LCLAT1: variants seen among roughly 807,000 people sequenced by gnomAD.
The protein encoded by LCLAT1 is 1-AGP acyltransferase 8.
A neutral mutation model predicts 30.7 loss-of-function variants in LCLAT1; 11 were observed. The observed-to-expected ratio is 0.36, with a 90% CI of 0.23 to 0.59. The LOEUF is 0.59. Ranked by LOEUF, LCLAT1 falls within the 20% of genes least tolerant of loss-of-function variation. The pLI is 0.77. For missense variants in LCLAT1, 402 were observed against 458.6 expected, an observed-to-expected ratio of 0.88 and a Z score of 1.13; for synonymous variants, 155 against 151.3, an observed-to-expected ratio of 1.02 and a Z score of -0.18.
intron 5 of LCLAT1, among the ~76,000 whole-genome samples, chr2:30,605,502 T>C (rs551850905): frequency 1.3e-5 from 2 of 152,320 alleles, no homozygotes; most frequent in South Asian, 2.1e-4. Context: ...ACTTTCTCTT[T>C]GTATTGCTGT....
chr2:30,493,063 C>T (rs1426905140), intron 1 of LCLAT1, among the ~76,000 whole-genome samples: 1 of 152,144 alleles, frequency 6.6e-6, no homozygotes, highest in Non-Finnish European at 1.5e-5. Flanking sequence ...TGGAAAGACA[C>T]CTCCCTCCCA....
chr2:30,561,289 C>T (rs1336867938), intron 3 of LCLAT1, among the ~76,000 whole-genome samples: 2 of 152,128 alleles, frequency 1.3e-5, no homozygotes, highest in Non-Finnish European at 2.9e-5. Context: ...GCTCTTTGGT[C>T]TGTCCATTTG....
intron 1 of LCLAT1, chr2:30,459,612 T>C (rs371465206): frequency 5.6e-6 from 9 of 1,606,480 alleles, no homozygotes; most frequent in South Asian, 3.3e-5. Flanking sequence ...TGATGTGATA[T>C]ATGCATTCCA....
chr2:30,492,167 C>A (rs1683867113), intron 1 of LCLAT1, among the ~76,000 whole-genome samples: 1 of 152,066 alleles, frequency 6.6e-6, no homozygotes, highest in Admixed American at 6.6e-5. Flanking sequence ...AGGTCTCTGA[C>A]ATGTAGAAAT....
At chr2:30,499,271 C>A (rs1199369385) in intron 1 of LCLAT1, among the ~76,000 whole-genome samples, 1 of 152,196 alleles carries the variant, frequency 6.6e-6, no homozygotes, top group Non-Finnish European at 1.5e-5. Flanking sequence ...ACCTCCACCT[C>A]CTGGGTTTAA....
At chr2:30,533,399 G>T (rs829625) in intron 3 of LCLAT1, 85 bp downstream of exon 3, 2 of 1,199,294 alleles carry the variant, frequency 1.7e-6, no homozygotes, top group Non-Finnish European at 2.5e-6. Context: ...GCATTAAAGC[G>T]ATTCCATTTT....
chr2:30,581,042 G>A (rs555685276), intron 5 of LCLAT1, among the ~76,000 whole-genome samples: 1 of 152,238 alleles, frequency 6.6e-6, no homozygotes, highest in South Asian at 2.1e-4. Context: ...ATCTGATGAT[G>A]GTGGGGTTAC....
chr2:30,488,147 G>C (rs1019919492), intron 1 of LCLAT1, among the ~76,000 whole-genome samples: 2 of 152,174 alleles, frequency 1.3e-5, no homozygotes, highest in Admixed American at 6.5e-5. Flanking sequence ...GCTCTTTTTA[G>C]AATGTTTGGC....
chr2:30,611,802 G>T (rs1452403332), intron 5 of LCLAT1, among the ~76,000 whole-genome samples: 1 of 152,116 alleles, frequency 6.6e-6, no homozygotes, highest in East Asian at 1.9e-4. Context: ...AATAGGAGGA[G>T]GATGACGCAG....
At chr2:30,519,198 A>T (rs1276433478) in intron 1 of LCLAT1, among the ~76,000 whole-genome samples, 1 of 152,188 alleles carries the variant, frequency 6.6e-6, no homozygotes, top group Admixed American at 6.5e-5. Flanking sequence ...ACTTCAGGCC[A>T]TACATTTCAA....
chr2:30,495,247 G>A (rs546071149), intron 1 of LCLAT1, among the ~76,000 whole-genome samples: 13 of 151,686 alleles, frequency 8.6e-5, no homozygotes, highest in African/African-American at 2.4e-4. Context: ...TCTGTTTATC[G>A]GTGTTCTTTG....
chr2:30,506,903 C>T (rs1684691809), intron 1 of LCLAT1, among the ~76,000 whole-genome samples: 1 of 152,060 alleles, frequency 6.6e-6, no homozygotes, highest in Admixed American at 6.6e-5. Context: ...AAAAAACAAT[C>T]AGTTTGACTG....
intron 4 of LCLAT1, among the ~76,000 whole-genome samples, chr2:30,566,150 A>C (rs57890362): frequency 0.04 from 6,021 of 152,198 alleles, 412 homozygotes; most frequent in African/African-American, 0.14. Flanking sequence ...AAAAGTCTAC[A>C]TCTCTAATCT....
At chr2:30,586,575 A>T (rs1043448694) in intron 5 of LCLAT1, among the ~76,000 whole-genome samples, 1 of 152,206 alleles carries the variant, frequency 6.6e-6, no homozygotes, top group Non-Finnish European at 1.5e-5. Context: ...TGCAGATGTA[A>T]AGTCACATTC....
intron 1 of LCLAT1, among the ~76,000 whole-genome samples, chr2:30,479,272 C>T (rs1327575659): frequency 6.6e-6 from 1 of 151,738 alleles, no homozygotes; most frequent in African/African-American, 2.4e-5. Flanking sequence ...TTCAGTCATC[C>T]AGGCTGGACT....
chr2:30,541,230 G>GTT (rs1664122576), intron 3 of LCLAT1, among the ~76,000 whole-genome samples: 2 of 151,788 alleles, frequency 1.3e-5, no homozygotes, highest in Admixed American at 1.3e-4. Flanking sequence ...TGCTTTTATG[G>GTT]TTTCACTTGT....
chr2:30,539,229 T>C lies in LCLAT1; in HGVS notation c.364+5915T>C, dbSNP rs1458946584. Among the ~76,000 whole-genome samples, 3 of 148,128 alleles carry C rather than the reference T, an allele frequency of 2.0e-5. No homozygotes were observed. The East Asian group carries it at 6.0e-4, about 30-fold the overall frequency. On this transcript the variant is annotated intron_variant, in intron 3 of 5. Coordinates refer to ENST00000379509, the MANE Select transcript of LCLAT1 (RefSeq NM_001002257.3). ...CTCCCAAAGTGCTGGGATTACAGGC[T>C]TGAGCCACCGCGCCAGGCCTTTTTT...
chr2:30,622,839 G>A (rs1015165937), intron 5 of LCLAT1, among the ~76,000 whole-genome samples: 1 of 152,062 alleles, frequency 6.6e-6, no homozygotes, highest in East Asian at 1.9e-4. Context: ...CTCTGGCATA[G>A]TCTATCCAAA....
At position 30,640,108 on chromosome 2, in the gene LCLAT1, G is replaced by C. The variant is rs564707839; in HGVS notation, c.629-9G>C. The C allele has an allele frequency of 4.4e-6, 7 of 1,600,906 alleles. No homozygotes were observed. In the South Asian group the frequency reaches 4.5e-5, roughly 10 times the overall value. ...GCTTAATCTATGTTTTCATCTTTTC[G>C]AAACCCAGGTAAGAACCTTGATGCT... On this transcript the variant is annotated splice_polypyrimidine_tract_variant and intron_variant, in intron 5 of 5. Coordinates refer to ENST00000379509, the MANE Select transcript of LCLAT1 (RefSeq NM_001002257.3).
Sources: allele counts gnomAD v4.1 joint callset (sites outside exome capture counted in the v4.1 genomes callset), GRCh38; gene constraint gnomAD v4.1.1; transcripts MANE v1.5; gene names NCBI Gene and HGNC (gene_info 2026-07-23, HGNC 2026-07-21).